The following SLC6A17 variants were observed in gnomAD, a reference collection of about 807,000 sequenced individuals.
SLC6A17 encodes solute carrier family 6 member 17, also known as sodium-dependent neutral amino acid transporter SLC6A17.
A neutral mutation model predicts 64.5 loss-of-function variants in SLC6A17; 21 were observed. That is an observed-to-expected ratio of 0.33 (90% CI 0.23 to 0.47). The LOEUF is 0.47. Ranked by LOEUF, SLC6A17 falls within the 20% of genes least tolerant of loss-of-function variation. SLC6A17 has a pLI of 1.00. For synonymous variants in SLC6A17, 372 were observed against 399.5 expected (o/e 0.93, Z 0.82); for missense variants, 682 against 963.2 (o/e 0.71, Z 3.86).
rs137977699 is a variant in SLC6A17 at position 110,176,412 on chromosome 1, C to T, written c.754-217C>T. Among the ~76,000 whole-genome samples the T allele has an allele frequency of 4.5e-3, 683 of 152,268 alleles. 5 individuals are homozygous for T. The highest frequency in any genetic ancestry group is 8.9e-3 in the South Asian group (43 of 4,826). ...GCTCTGGAAGGGAGAAAACCAACCC[C>T]GGGCACAGCCATGCAGACTCCAGCT... On this transcript the variant is annotated intron_variant, in intron 5 of 11. Transcript: ENST00000331565.
Position 110,198,655 on chromosome 1 carries a change from C to A in SLC6A17, c.*211C>A. The A allele has an allele frequency of 1.3e-6, 1 of 781,972 alleles. No homozygotes were observed. Among genetic ancestry groups the A allele is most frequent in the Non-Finnish European group, 1.9e-6 (1 of 522,082 alleles). 48.4% of individuals were successfully genotyped at this position (781,972 alleles called of 1,614,324 possible). A position where few individuals can be genotyped will look rare whatever the true frequency, so the allele number is the denominator to read the frequency against. ...CTGGGAGCAGCTCTGTTTCCTAATTCAGGACCCCACTCATCTAGCCCTCCA... is the reference window on the plus strand; with the variant it reads ...CTGGGAGCAGCTCTGTTTCCTAATTAAGGACCCCACTCATCTAGCCCTCCA... On this transcript the variant is annotated 3_prime_UTR_variant, in exon 12 of 12. Coordinates refer to ENST00000331565, the MANE Select transcript of SLC6A17 (RefSeq NM_001010898.4).
At chr1:110,183,477 G>A (rs1656585305) in intron 6 of SLC6A17, among the ~76,000 whole-genome samples, 1 of 152,192 alleles carries the variant, frequency 6.6e-6, no homozygotes, top group Non-Finnish European at 1.5e-5. Flanking sequence ...GGAGGTTGGG[G>A]GAGACATGGG....
chr1:110,191,299 G>A (rs1361368026), intron 6 of SLC6A17, among the ~76,000 whole-genome samples: 2 of 152,166 alleles, frequency 1.3e-5, no homozygotes, highest in African/African-American at 4.8e-5. Flanking sequence ...AAGGAAAATA[G>A]GTTGGAAAGG....
In SLC6A17 at chr1:110,201,632, A is replaced by AAT. The variant is rs1657129604; in HGVS notation, c.*3190_*3191dup. The AAT allele has an allele frequency of 2.0e-5, 3 of 152,182 alleles. No individual in the cohort carries two copies. 9.4% of individuals were successfully genotyped at this position (152,182 alleles called of 1,614,324 possible). On this transcript the variant is annotated 3_prime_UTR_variant, in exon 12 of 12. Transcript: ENST00000331565. ...GTGAGGTCAGCTTCTGCCCTCCAGC[A>AAT]ATACATGTGCAGGGGTTGCTGCTTT...
intron 2 of SLC6A17, among the ~76,000 whole-genome samples, chr1:110,171,664 G>A (rs568217551): frequency 1.3e-5 from 2 of 152,168 alleles, no homozygotes; most frequent in East Asian, 3.9e-4. Flanking sequence ...GCCATCTGGG[G>A]CTGCTTCTCT....
At chr1:110,152,839 C>G (rs1655644947) in intron 1 of SLC6A17, among the ~76,000 whole-genome samples, 1 of 152,188 alleles carries the variant, frequency 6.6e-6, no homozygotes, top group African/African-American at 2.4e-5. Flanking sequence ...TGTTAGTTCC[C>G]CATCCCTTCC....
intron 1 of SLC6A17, among the ~76,000 whole-genome samples, chr1:110,165,725 C>T (rs1046424710): frequency 1.3e-5 from 2 of 152,312 alleles, no homozygotes; most frequent in Non-Finnish European, 2.9e-5. Context: ...CTTGCCTGTG[C>T]CATTCAGGTG....
At position 110,199,875 on chromosome 1, in the gene SLC6A17, T is replaced by G. The variant is rs1255957784; in HGVS notation, c.*1431T>G. Reference sequence around the variant, plus strand: ...TGGATGGATAGATGGATGGATGGGTTGGGGAGTGGGGGTGGATGGATGGAT... The same window carrying G: ...TGGATGGATAGATGGATGGATGGGTGGGGGAGTGGGGGTGGATGGATGGAT... On this transcript the variant is annotated 3_prime_UTR_variant, in exon 12 of 12. Transcript: ENST00000331565. 50 of 288,022 alleles carry G rather than the reference T, an allele frequency of 1.7e-4. No individual in the cohort carries two copies. Among genetic ancestry groups the G allele is most frequent in the African/African-American group, 2.1e-4 (6 of 27,962 alleles). The allele number at this position is 288,022 out of a possible 1,614,324, so 17.8% of individuals were successfully genotyped here.
intron 1 of SLC6A17, among the ~76,000 whole-genome samples, chr1:110,163,533 C>T (rs1405105791): frequency 6.6e-6 from 1 of 152,194 alleles, no homozygotes; most frequent in Non-Finnish European, 1.5e-5. Flanking sequence ...CAGCAGCCCT[C>T]CCTGGGAGAT....
At chr1:110,157,822 T>C (rs569673118) in intron 1 of SLC6A17, among the ~76,000 whole-genome samples, 1 of 152,268 alleles carries the variant, frequency 6.6e-6, no homozygotes, top group South Asian at 2.1e-4. Flanking sequence ...TCACCAGGCA[T>C]GCAGGTCCTG....
chr1:110,163,644 G>T, intron 1 of SLC6A17, among the ~76,000 whole-genome samples: 1 of 152,030 alleles, frequency 6.6e-6, no homozygotes, highest in East Asian at 1.9e-4. Context: ...TGTGGCCAAG[G>T]CCCCAGGGCT....
intron 2 of SLC6A17, among the ~76,000 whole-genome samples, chr1:110,170,709 G>T (rs1021196545): frequency 6.6e-6 from 1 of 152,196 alleles, no homozygotes; most frequent in African/African-American, 2.4e-5. Context: ...ATGTGTGCGT[G>T]TGCATCTAGT....
At chr1:110,185,864 C>T (rs1396813186) in intron 6 of SLC6A17, among the ~76,000 whole-genome samples, 1 of 152,190 alleles carries the variant, frequency 6.6e-6, no homozygotes, top group Non-Finnish European at 1.5e-5. Context: ...CACTGGGCAT[C>T]TGTGGTCATC....
At chr1:110,168,918 CAG>C (rs1656144855) in intron 2 of SLC6A17, among the ~76,000 whole-genome samples, 1 of 152,244 alleles carries the variant, frequency 6.6e-6, no homozygotes, top group African/African-American at 2.4e-5. Flanking sequence ...TGTCAACTCT[CAG>C]AATTCTGAGC....
At position 110,198,305 on chromosome 1, in the gene SLC6A17, G is replaced by A. The variant is rs902546169; in HGVS notation, c.2045G>A (p.Ser682Asn). The A allele has an allele frequency of 6.2e-7, 1 of 1,614,048 alleles. No homozygotes were observed. Among genetic ancestry groups the A allele is most frequent in the African/African-American group, 1.3e-5 (1 of 74,924 alleles). ...CGCTTCATCCTCAGCAAGGTGCCCA[G>A]TGAGGCACCTTCCCCCATGCCCACT... is the stretch of plus-strand genomic sequence containing the variant. ...ETRFILSKVP[S>N]EAPSPMPTHR... The change falls in exon 12 of 12, where the codon AGT (serine) becomes AAT (asparagine). Residue 682 changes from serine to asparagine, a missense_variant. Physicochemically the swap from Ser to Asn is conservative, Grantham distance 46 (BLOSUM62 1). Coordinates refer to ENST00000331565, the MANE Select transcript of SLC6A17 (RefSeq NM_001010898.4).
chr1:110,157,007 T>A (rs1156616165), intron 1 of SLC6A17, among the ~76,000 whole-genome samples: 1 of 152,228 alleles, frequency 6.6e-6, no homozygotes, highest in African/African-American at 2.4e-5. Context: ...CCCCCATGAA[T>A]GAGGAAAGAA....
At chr1:110,177,244 G>A (rs1435929261) in intron 6 of SLC6A17, among the ~76,000 whole-genome samples, 1 of 152,144 alleles carries the variant, frequency 6.6e-6, no homozygotes, top group African/African-American at 2.4e-5. Context: ...CAAATCAGAG[G>A]AAAGAAGTTA....
intron 1 of SLC6A17, among the ~76,000 whole-genome samples, chr1:110,154,913 C>T (rs1320404263): frequency 6.6e-6 from 1 of 152,156 alleles, no homozygotes; most frequent in African/African-American, 2.4e-5. Flanking sequence ...GGGGAGATTC[C>T]ACTTGCTTCT....
chr1:110,155,178 G>C (rs113446278), intron 1 of SLC6A17, among the ~76,000 whole-genome samples: 3,699 of 152,242 alleles, frequency 0.024, 157 homozygotes, highest in African/African-American at 0.083. Flanking sequence ...CTCCTCACTG[G>C]CAGTGGACGA....
Sources: allele counts gnomAD v4.1 joint callset (sites outside exome capture counted in the v4.1 genomes callset), GRCh38; gene constraint gnomAD v4.1.1; transcripts MANE v1.5; gene names NCBI Gene and HGNC (gene_info 2026-07-23, HGNC 2026-07-21).